Variants in HDLBP observed in about 807,000 individuals in gnomAD.
The protein encoded by HDLBP is vigilin.
A neutral mutation model predicts 137.3 loss-of-function variants in HDLBP; 30 were observed. The observed-to-expected ratio is 0.22, with a 90% CI of 0.16 to 0.30. The LOEUF is 0.30. HDLBP is among the 10% of genes least tolerant of loss of function. The pLI, the probability that HDLBP is intolerant of heterozygous loss-of-function variation, is 1.00. For missense variants in HDLBP, 1,119 were observed against 1,667.3 expected (o/e 0.67, Z 5.73); for synonymous variants, 606 against 596.0 (o/e 1.02, Z -0.24).
rs149727520 is a variant in HDLBP, at chr2:241,238,993, G to A, written c.2611-206C>T. On this transcript the variant is annotated intron_variant, in intron 19 of 27. Transcript: ENST00000310931. The surrounding 1 kb of genome is among the most constrained non-coding windows in gnomAD (Gnocchi z 4.9). ...TAAGGGGGTGGGCCTCCTCTGAAATGTGTCCCAGAAGGCCAGGTGCCATCC... is the reference window on the plus strand; with the variant it reads ...TAAGGGGGTGGGCCTCCTCTGAAATATGTCCCAGAAGGCCAGGTGCCATCC... 4.6e-5 allele frequency among the ~76,000 whole-genome samples: 7 copies of A among 152,326 alleles called. No individual in the cohort carries two copies. The highest frequency in any genetic ancestry group is 1.0e-4 in the Non-Finnish European group (7 of 68,020).
In HDLBP at chr2:241,255,681, C is replaced by A. The variant is rs527497083; in HGVS notation, c.874-101G>T. On this transcript the variant is annotated intron_variant, in intron 7 of 27. Coordinates refer to ENST00000310931, the MANE Select transcript of HDLBP (RefSeq NM_005336.6). ...AGAAAGCAAGCCAAAGCGGCCCAGA[C>A]TATAGATGCTGATCCCAAGAAGTGA... The A allele has an allele frequency of 1.5e-3, 1,220 of 837,412 alleles. 3 individuals carry two copies. Among genetic ancestry groups the A allele is most frequent in the Non-Finnish European group, 2.2e-3 (1,084 of 492,658 alleles). 51.9% of individuals were successfully genotyped at this position (837,412 alleles called of 1,614,324 possible).
intron 1 of HDLBP, chr2:241,273,227 T>C: frequency 1.0e-6 from 1 of 985,538 alleles, no homozygotes; most frequent in Non-Finnish European, 1.2e-6. Context: ...CACGAGGTCC[T>C]ACAGCGCAGT....
intron 3 of HDLBP, among the ~76,000 whole-genome samples, 184 bp from the exon 4 acceptor site, chr2:241,264,789 C>T (rs745635682): frequency 2.6e-5 from 4 of 152,136 alleles, no homozygotes; most frequent in Non-Finnish European, 5.9e-5. Context: ...TCACCAGGCC[C>T]AGCACCCTGA....
intron 5 of HDLBP, among the ~76,000 whole-genome samples, 177 bp from the exon 6 acceptor site, chr2:241,256,983 C>T (rs936687356): frequency 6.6e-6 from 1 of 152,198 alleles, no homozygotes; most frequent in Non-Finnish European, 1.5e-5. Context: ...GTTGCCCTGA[C>T]TCCCAGGTTA....
At chr2:241,292,075 A>C (rs1219247602) in intron 1 of HDLBP, among the ~76,000 whole-genome samples, 2 of 152,246 alleles carry the variant, frequency 1.3e-5, no homozygotes, top group Non-Finnish European at 2.9e-5. Context: ...GAACTGGTTG[A>C]TAAAGAACTC....
intron 1 of HDLBP, among the ~76,000 whole-genome samples, chr2:241,281,678 G>C (rs2074613186): frequency 6.6e-6 from 1 of 152,168 alleles, no homozygotes; most frequent in Admixed American, 6.5e-5. Flanking sequence ...AATGATATGT[G>C]CTGTAAGTCT....
intron 5 of HDLBP, among the ~76,000 whole-genome samples, chr2:241,260,151 C>T (rs561754230): frequency 6.6e-6 from 1 of 152,172 alleles, no homozygotes; most frequent in South Asian, 2.1e-4. Flanking sequence ...TTGCAAGCAC[C>T]CACCGCCACG....
intron 5 of HDLBP, among the ~76,000 whole-genome samples, chr2:241,260,346 G>A (rs1292447021): frequency 6.6e-6 from 1 of 152,138 alleles, no homozygotes; most frequent in African/African-American, 2.4e-5. Flanking sequence ...GAAAGCTGCA[G>A]GGAACAAAAC....
chr2:241,240,022 G>C lies in HDLBP; in HGVS notation c.2270C>G (p.Thr757Ser), dbSNP rs780030761. Residue 757 changes from threonine to serine, a missense_variant, in exon 18 of 28, where the codon ACT (threonine) becomes AGT (serine). Around this residue, in one of 4 missense-constraint regions of HDLBP, gnomAD observed 618 missense variants for 816.7 expected, o/e 0.76. Transcript: ENST00000310931. The surrounding 1 kb of genome is among the most constrained non-coding windows in gnomAD (Gnocchi z 5.5). ...CGCAGGGAAGATGACACGTGCTCCA[G>C]TGCTGTCGCGCACCTTGCGAATTTT... ...GGKIRKVRDS[T>S]GARVIFPAAE... is the part of the protein sequence containing the mutation. 6.2e-7 allele frequency: 1 copy of C among 1,614,212 alleles called. No homozygotes were observed. The highest frequency in any genetic ancestry group is 1.1e-5 in the South Asian group (1 of 91,086).
intron 1 of HDLBP, among the ~76,000 whole-genome samples, chr2:241,297,735 AAAGAG>A (rs747345678): frequency 2.6e-5 from 4 of 152,090 alleles, no homozygotes; most frequent in African/African-American, 7.2e-5. Context: ...TACAAGAAAG[AAAGAG>A]AAGAGAAGAG....
intron 2 of HDLBP, chr2:241,267,548 G>A: frequency 6.5e-7 from 1 of 1,528,442 alleles, no homozygotes; most frequent in South Asian, 1.2e-5. Flanking sequence ...CAGCGACCTT[G>A]GTTATTCTGT....
At chr2:241,261,680 A>G (rs567019197) in intron 5 of HDLBP, among the ~76,000 whole-genome samples, 2 of 152,378 alleles carry the variant, frequency 1.3e-5, no homozygotes, top group African/African-American at 4.8e-5. Flanking sequence ...CTGGACAATT[A>G]TAAGCAACAC....
At chr2:241,256,449 G>A (rs1427806552) in intron 6 of HDLBP, 50 bp from the exon 7 acceptor site, 1 of 1,538,526 alleles carries the variant, frequency 6.5e-7, no homozygotes, top group East Asian at 2.3e-5. Context: ...AAAACAAACT[G>A]GGGACAGACA....
intron 1 of HDLBP, among the ~76,000 whole-genome samples, chr2:241,270,399 G>A (rs558687790): frequency 5.3e-5 from 8 of 152,296 alleles, no homozygotes; most frequent in African/African-American, 1.4e-4. Context: ...AGCGTGTAAC[G>A]AATGGTTCAC....
chr2:241,278,916 T>C (rs2074494653), intron 1 of HDLBP, among the ~76,000 whole-genome samples: 2 of 151,044 alleles, frequency 1.3e-5, no homozygotes, highest in Non-Finnish European at 2.9e-5. Flanking sequence ...TCCCAGCTAC[T>C]TGGGGGGCTG....
At chr2:241,244,793 C>A (rs1008109281) in intron 16 of HDLBP, among the ~76,000 whole-genome samples, 3 of 152,054 alleles carry the variant, frequency 2.0e-5, no homozygotes, top group Non-Finnish European at 4.4e-5. Context: ...ATTTAAATCT[C>A]TTTAAAAAAT....
At chr2:241,300,103 T>C (rs953127982) in intron 1 of HDLBP, among the ~76,000 whole-genome samples, 1 of 151,952 alleles carries the variant, frequency 6.6e-6, no homozygotes, top group Admixed American at 6.6e-5. Context: ...CATGAGAAAG[T>C]AGATTTTTAA....
intron 16 of HDLBP, among the ~76,000 whole-genome samples, chr2:241,246,042 AAGAAAC>A (rs1176417740): frequency 5.3e-5 from 8 of 152,214 alleles, no homozygotes; most frequent in Non-Finnish European, 1.0e-4. Context: ...AGTACACACA[AAGAAAC>A]AGATGATCTA....
intron 1 of HDLBP, among the ~76,000 whole-genome samples, chr2:241,311,394 T>C (rs1038798655): frequency 2.6e-5 from 4 of 152,200 alleles, no homozygotes; most frequent in Non-Finnish European, 5.9e-5. Flanking sequence ...TAGTGAAGGA[T>C]GTGCTCCATC....
Sources: gnomAD v4.1 joint callset for allele counts (sites outside exome capture counted in the v4.1 genomes callset) on GRCh38, gnomAD v4.1.1 for gene constraint, gnomAD v4.1.1 regional missense constraint, Gnocchi (gnomAD v3.1) non-coding constraint, MANE v1.5 for transcripts, NCBI Gene and HGNC (gene_info 2026-07-23, HGNC 2026-07-21) for gene names.